The following GALNT13 variants were observed in gnomAD, a reference collection of about 807,000 sequenced individuals.
GALNT13 encodes the protein polypeptide N-acetylgalactosaminyltransferase 13.
In GALNT13, 28 loss-of-function variants were observed where a neutral mutation model predicts 64.2. The ratio of observed to expected loss-of-function variants is 0.44; its 90% CI spans 0.32 to 0.60. The LOEUF is 0.60. GALNT13 is among the 20% of genes least tolerant of loss of function. The probability of loss-of-function intolerance (pLI) is 0.05; values close to 1 mark genes in which losing one functional copy is unlikely to be tolerated. For synonymous variants in GALNT13, 214 were observed against 224.6 expected, an observed-to-expected ratio of 0.95 and a Z score of 0.42; for missense variants, 577 against 669.8, an observed-to-expected ratio of 0.86 and a Z score of 1.53.
chr2:153,475,307 G>A, the GALNT13 span, among the ~76,000 whole-genome samples: 1 of 152,184 alleles, frequency 6.6e-6, no homozygotes, highest in South Asian at 2.1e-4. Context: ...TTTCCCTGTA[G>A]TGCATAGATC....
the GALNT13 span, among the ~76,000 whole-genome samples, chr2:153,431,482 T>C: frequency 2.0e-5 from 3 of 152,198 alleles, no homozygotes; most frequent in African/African-American, 7.2e-5. Flanking sequence ...CTTGGCTTGA[T>C]TTAAATTACA....
At chr2:153,695,418 G>A in the GALNT13 span, among the ~76,000 whole-genome samples, 1 of 152,162 alleles carries the variant, frequency 6.6e-6, no homozygotes, top group Non-Finnish European at 1.5e-5. Context: ...TTTTAGGTCT[G>A]ATAGATTACC....
chr2:153,879,143 C>T (rs548147312), intron 1 of GALNT13, among the ~76,000 whole-genome samples: 2 of 152,270 alleles, frequency 1.3e-5, no homozygotes, highest in East Asian at 3.9e-4. Context: ...TTTAACAAAA[C>T]ACAGCAATTA....
chr2:154,239,732 C>A (rs1045339914), intron 4 of GALNT13, among the ~76,000 whole-genome samples: 2 of 152,052 alleles, frequency 1.3e-5, no homozygotes, highest in Non-Finnish European at 2.9e-5. Context: ...CTTAATAAAT[C>A]TTTTTCAAAT....
chr2:153,723,139 C>T, the GALNT13 span, among the ~76,000 whole-genome samples: 4 of 139,154 alleles, frequency 2.9e-5, no homozygotes, highest in African/African-American at 1.1e-4. Context: ...GGATGCAAGG[C>T]TGGTTCAATA....
chr2:153,940,414 C>T (rs531216724), intron 2 of GALNT13, among the ~76,000 whole-genome samples: 19 of 151,922 alleles, frequency 1.3e-4, no homozygotes, highest in Admixed American at 4.6e-4. Flanking sequence ...TCCGCCACCA[C>T]GCCCAGCTAA....
At chr2:153,883,138 A>C (rs1425256328) in intron 1 of GALNT13, among the ~76,000 whole-genome samples, 1 of 149,452 alleles carries the variant, frequency 6.7e-6, no homozygotes, top group Non-Finnish European at 1.5e-5. Flanking sequence ...TTCATAAAAC[A>C]AGTGGATGAT....
At chr2:154,238,593 T>A (rs1012683816) in intron 4 of GALNT13, among the ~76,000 whole-genome samples, 4 of 152,050 alleles carry the variant, frequency 2.6e-5, no homozygotes, top group African/African-American at 9.6e-5. Flanking sequence ...AACTCTTGCT[T>A]ATATAAATAT....
At chr2:153,836,500 G>C in the GALNT13 span, among the ~76,000 whole-genome samples, 1 of 149,636 alleles carries the variant, frequency 6.7e-6, no homozygotes, top group Non-Finnish European at 1.5e-5. Context: ...GGCAACCATT[G>C]TTCTTTTTTT....
At chr2:154,009,466 G>A (rs914059899) in intron 3 of GALNT13, among the ~76,000 whole-genome samples, 1 of 150,590 alleles carries the variant, frequency 6.6e-6, no homozygotes, top group Non-Finnish European at 1.5e-5. Context: ...GCTAGGAATA[G>A]CATTGAATCT....
chr2:153,362,866 G>T, the GALNT13 span, among the ~76,000 whole-genome samples: 3 of 152,104 alleles, frequency 2.0e-5, no homozygotes, highest in African/African-American at 7.2e-5. Flanking sequence ...CTTGAAATCA[G>T]CTCTGGATCA....
chr2:153,438,891 G>A, the GALNT13 span, among the ~76,000 whole-genome samples: 2 of 152,120 alleles, frequency 1.3e-5, no homozygotes, highest in Admixed American at 6.5e-5. Context: ...AGGGGGAGAG[G>A]CGCTCTGATT....
At chr2:154,239,285 C>CA (rs1689354585) in intron 4 of GALNT13, among the ~76,000 whole-genome samples, 1 of 152,088 alleles carries the variant, frequency 6.6e-6, no homozygotes, top group East Asian at 1.9e-4. Context: ...GTGTAACATA[C>CA]AAAAAATGTT....
At chr2:153,886,613 C>T (rs534981053) in intron 1 of GALNT13, among the ~76,000 whole-genome samples, 2 of 152,096 alleles carry the variant, frequency 1.3e-5, no homozygotes, top group South Asian at 4.2e-4. Flanking sequence ...AAGGAAGAGG[C>T]ACTTTTTAAA....
At chr2:153,968,911 C>T (rs1249077293) in intron 3 of GALNT13, among the ~76,000 whole-genome samples, 1 of 152,024 alleles carries the variant, frequency 6.6e-6, no homozygotes, top group Admixed American at 6.6e-5. Flanking sequence ...CATTTAAACA[C>T]ATTTGTGAGC....
intron 1 of GALNT13, among the ~76,000 whole-genome samples, chr2:153,895,707 A>G (rs1687842520): frequency 1.3e-5 from 2 of 152,120 alleles, no homozygotes; most frequent in Admixed American, 6.6e-5. Context: ...TTCATAAAAT[A>G]TGGTTTAACA....
chr2:153,882,830 A>G (rs1030276730), intron 1 of GALNT13, among the ~76,000 whole-genome samples: 6 of 151,570 alleles, frequency 4.0e-5, no homozygotes, highest in East Asian at 3.9e-4. Context: ...GGATCTTGCT[A>G]TGCTACCCAG....
chr2:153,286,008 G>A, the GALNT13 span, among the ~76,000 whole-genome samples: 1 of 151,978 alleles, frequency 6.6e-6, no homozygotes, highest in Non-Finnish European at 1.5e-5. Context: ...TGTTTATGTG[G>A]CAATTAAAAA....
intron 3 of GALNT13, among the ~76,000 whole-genome samples, chr2:153,949,025 G>C (rs867071026): frequency 2.0e-5 from 3 of 152,018 alleles, no homozygotes; most frequent in Non-Finnish European, 4.4e-5. Flanking sequence ...ACATTTTACT[G>C]TACCTTTTCT....
Sources: allele counts gnomAD v4.1 joint callset (sites outside exome capture counted in the v4.1 genomes callset), GRCh38; gene constraint gnomAD v4.1.1; transcripts MANE v1.5; gene names NCBI Gene and HGNC (gene_info 2026-07-23, HGNC 2026-07-21).